The following RTL4 variants were observed in gnomAD, a reference collection of about 807,000 sequenced individuals.
The protein encoded by RTL4 is retrotransposon Gag like 4, also known as retrotransposon Gag-like protein 4.
In RTL4, 4 loss-of-function variants were observed where a neutral mutation model predicts 5.3. The ratio of observed to expected loss-of-function variants is 0.75; its 90% CI spans 0.37 to 1.72. The LOEUF (loss-of-function observed/expected upper bound fraction) is 1.72, where lower values mean the gene tolerates loss of function less well. RTL4 is among the 40% of genes most tolerant of loss of function. The pLI, the probability that RTL4 is intolerant of heterozygous loss-of-function variation, is 0.04. For synonymous variants in RTL4, 98 were observed against 87.3 expected, an observed-to-expected ratio of 1.12 and a Z score of -0.68; for missense variants, 260 against 227.1, an observed-to-expected ratio of 1.14 and a Z score of -0.93.
the RTL4 span, among the ~76,000 whole-genome samples, chrX:112,100,602 C>A: frequency 9.0e-6 from 1 of 111,681 alleles, no homozygotes; most frequent in Non-Finnish European, 1.9e-5. Flanking sequence ...ATATCAGGGG[C>A]ATAAACTAGA....
the RTL4 span, among the ~76,000 whole-genome samples, chrX:112,148,993 C>T: frequency 9.0e-6 from 1 of 111,412 alleles, no homozygotes; most frequent in East Asian, 2.8e-4. Context: ...GTCTCCTATC[C>T]CTCAGGTATC....
chrX:112,456,842 T>TTG (rs1926852532), exon 1 of RTL4: 1 of 124,305 alleles, frequency 8.0e-6, no homozygotes, highest in Admixed American at 9.5e-5. Context: ...TTAAAACCAT[T>TTG]TGTGCACAAA....
chrX:112,299,818 CA>C, the RTL4 span, among the ~76,000 whole-genome samples: 1 of 111,613 alleles, frequency 9.0e-6, no homozygotes, highest in Non-Finnish European at 1.9e-5. Context: ...CCCTCCCTAA[CA>C]GATTGAAAAG....
chrX:112,164,236 G>A, the RTL4 span, among the ~76,000 whole-genome samples: 384 of 110,802 alleles, frequency 3.5e-3, 1 homozygote, highest in African/African-American at 0.012. Context: ...CAGTTGATGG[G>A]GAGAAGAGTG....
At chrX:112,279,970 A>G in the RTL4 span, among the ~76,000 whole-genome samples, 1 of 111,723 alleles carries the variant, frequency 9.0e-6, no homozygotes, top group Non-Finnish European at 1.9e-5. Context: ...GATACTGCCA[A>G]AATAATGTAA....
At chrX:112,342,951 A>T in the RTL4 span, among the ~76,000 whole-genome samples, 1 of 111,449 alleles carries the variant, frequency 9.0e-6, no homozygotes, top group African/African-American at 3.3e-5. Flanking sequence ...ACTACAAAAA[A>T]TTAGCCAGGT....
the RTL4 span, among the ~76,000 whole-genome samples, chrX:112,218,091 C>A: frequency 9.0e-6 from 1 of 110,828 alleles, no homozygotes; most frequent in African/African-American, 3.3e-5. Flanking sequence ...GAAACAAAAA[C>A]GGAAGTAGGG....
the RTL4 span, among the ~76,000 whole-genome samples, chrX:112,231,819 A>G: frequency 9.0e-6 from 1 of 111,522 alleles, no homozygotes; most frequent in Non-Finnish European, 1.9e-5. Context: ...TCCCTATTTT[A>G]CAGATGAGAA....
the RTL4 span, among the ~76,000 whole-genome samples, chrX:112,183,163 G>A: frequency 3.6e-5 from 4 of 112,270 alleles, no homozygotes; most frequent in African/African-American, 6.5e-5. Flanking sequence ...GCTGAAGGAA[G>A]CACTAAATAT....
the RTL4 span, among the ~76,000 whole-genome samples, chrX:112,269,919 T>G: frequency 6.3e-5 from 7 of 110,953 alleles, no homozygotes; most frequent in African/African-American, 2.3e-4. Context: ...TGTTGAAACA[T>G]GGTGTTCCCT....
At chrX:112,419,575 G>GTAGA in the RTL4 span, among the ~76,000 whole-genome samples, 2 of 46,274 alleles carry the variant, frequency 4.3e-5, no homozygotes, top group African/African-American at 2.0e-4. Context: ...GGCCAAGGTA[G>GTAGA]TATATATATA....
the RTL4 span, among the ~76,000 whole-genome samples, chrX:112,110,061 C>T: frequency 3.6e-5 from 4 of 112,012 alleles, no homozygotes; most frequent in South Asian, 3.7e-4. Context: ...ATGGATGTCA[C>T]GGGACCTAGA....
At chrX:112,355,936 T>A in the RTL4 span, among the ~76,000 whole-genome samples, 4 of 111,322 alleles carry the variant, frequency 3.6e-5, no homozygotes, top group Non-Finnish European at 7.6e-5. Flanking sequence ...ACTGTTTAAA[T>A]TTACCTCATG....
chrX:112,139,533 G>A, the RTL4 span, among the ~76,000 whole-genome samples: 2 of 112,300 alleles, frequency 1.8e-5, no homozygotes, highest in Non-Finnish European at 3.8e-5. Context: ...GCATTTATCA[G>A]TGTATTTTGC....
At chrX:112,095,339 A>G in the RTL4 span, among the ~76,000 whole-genome samples, 66 of 111,529 alleles carry the variant, frequency 5.9e-4, 2 homozygotes, top group Admixed American at 5.4e-3. Flanking sequence ...TAATTTTGAG[A>G]ATGAGAGAGC....
the RTL4 span, among the ~76,000 whole-genome samples, chrX:112,085,096 T>C: frequency 1.8e-5 from 2 of 112,450 alleles, no homozygotes; most frequent in African/African-American, 6.5e-5. Flanking sequence ...CCAAGCTTTG[T>C]CTAGGTTGCT....
chrX:112,198,492 G>A, the RTL4 span, among the ~76,000 whole-genome samples: 1 of 111,757 alleles, frequency 8.9e-6, no homozygotes, highest in African/African-American at 3.3e-5. Flanking sequence ...ATCTTAACCA[G>A]GCCGCATTCT....
At chrX:112,175,020 T>G in the RTL4 span, among the ~76,000 whole-genome samples, 1 of 87,318 alleles carries the variant, frequency 1.1e-5, no homozygotes, top group Non-Finnish European at 2.2e-5. Context: ...TTTCTCCCAT[T>G]TTGTAGGTTG....
chrX:112,093,397 G>A, the RTL4 span, among the ~76,000 whole-genome samples: 4 of 111,412 alleles, frequency 3.6e-5, no homozygotes, highest in African/African-American at 9.8e-5. Context: ...CACTGTTAAG[G>A]TATGTTGAAC....
Sources: gnomAD v4.1 joint callset for allele counts (sites outside exome capture counted in the v4.1 genomes callset) on GRCh38, gnomAD v4.1.1 for gene constraint, MANE v1.5 for transcripts, NCBI Gene and HGNC (gene_info 2026-07-23, HGNC 2026-07-21) for gene names.